The following CCSER1 variants were observed in gnomAD, a reference collection of about 807,000 sequenced individuals.
The protein encoded by CCSER1 is coiled-coil serine rich protein 1.
A neutral mutation model predicts 82.0 loss-of-function variants in CCSER1; 41 were observed. The ratio of observed to expected loss-of-function variants is 0.50; its 90% CI spans 0.39 to 0.65. The LOEUF (loss-of-function observed/expected upper bound fraction) is 0.65. Among genes scored for constraint, CCSER1 ranks in the 30% least tolerant of loss-of-function variants. The pLI is 0.00. For missense variants in CCSER1, 1,119 were observed against 1,064.2 expected (o/e 1.05, Z -0.72); for synonymous variants, 414 against 383.9 (o/e 1.08, Z -0.92).
chr4:91,554,367 T>G (rs1250093860), intron 10 of CCSER1, among the ~76,000 whole-genome samples: 1 of 151,256 alleles, frequency 6.6e-6, no homozygotes, highest in Non-Finnish European at 1.5e-5. Context: ...TGCTGTTGTA[T>G]GGAATGTTCT....
intron 9 of CCSER1, among the ~76,000 whole-genome samples, chr4:91,010,800 T>C (rs1738946328): frequency 7.4e-6 from 1 of 134,672 alleles, no homozygotes; most frequent in Non-Finnish European, 1.7e-5. Flanking sequence ...AAATTTATCA[T>C]TCAGATAATG....
At chr4:91,387,475 G>C (rs72656169) in intron 10 of CCSER1, among the ~76,000 whole-genome samples, 1 of 151,984 alleles carries the variant, frequency 6.6e-6, no homozygotes, top group Non-Finnish European at 1.5e-5. Context: ...ATTTATGTCT[G>C]AACATTTAAG....
chr4:91,149,826 C>A (rs1406279750), intron 10 of CCSER1, among the ~76,000 whole-genome samples: 1 of 152,040 alleles, frequency 6.6e-6, no homozygotes, highest in Non-Finnish European at 1.5e-5. Flanking sequence ...CTGTTCTGTT[C>A]CATTGGTCTA....
intron 3 of CCSER1, among the ~76,000 whole-genome samples, chr4:90,361,795 A>G (rs1745437298): frequency 6.6e-6 from 1 of 152,202 alleles, no homozygotes. Context: ...GGTGGAGCCA[A>G]GGGATAATGG....
intron 8 of CCSER1, among the ~76,000 whole-genome samples, chr4:90,896,238 A>T (rs994574047): frequency 1.3e-5 from 2 of 151,930 alleles, no homozygotes; most frequent in African/African-American, 4.8e-5. Context: ...AAGATGACGA[A>T]GTTTGTTTAT....
At chr4:90,487,385 G>A (rs184925921) in intron 5 of CCSER1, among the ~76,000 whole-genome samples, 1 of 152,188 alleles carries the variant, frequency 6.6e-6, no homozygotes, top group African/African-American at 2.4e-5. Flanking sequence ...ATGTCACTTT[G>A]AGACAATCAT....
At position 90,933,028 on chromosome 4, in the gene CCSER1, G is replaced by GAAAGAAAGA. The variant is rs1554046176; in HGVS notation, c.2172+9584_2172+9592dup. On this transcript the variant is annotated intron_variant, in intron 9 of 10. Coordinates refer to ENST00000509176, the MANE Select transcript of CCSER1 (RefSeq NM_001145065.2). Reference sequence around the variant, plus strand: ...AGAAAGAAAGAAAGAAAGAAAGAAAGAAAGAAAGAAAGAAAGAGAAGGAAG... The same window carrying GAAAGAAAGA: ...AGAAAGAAAGAAAGAAAGAAAGAAAGAAAGAAAGAAAAGAAAGAAAGAAAGAGAAGGAAG... 4.9e-4 allele frequency among the ~76,000 whole-genome samples: 43 copies of GAAAGAAAGA among 87,062 alleles called. 14 individuals carry two copies. In the East Asian group the frequency reaches 5.6e-3, roughly 11 times the overall value. The allele number at this position is 87,062 out of a possible 152,430, so 57.1% of individuals were successfully genotyped here.
intron 1 of CCSER1, among the ~76,000 whole-genome samples, chr4:90,286,543 A>T (rs888066732): frequency 1.3e-5 from 2 of 151,968 alleles, no homozygotes; most frequent in Non-Finnish European, 2.9e-5. Flanking sequence ...TAACATAAAT[A>T]AAAAAATGAC....
At chr4:91,021,709 T>C (rs966368089) in intron 9 of CCSER1, among the ~76,000 whole-genome samples, 2 of 152,130 alleles carry the variant, frequency 1.3e-5, no homozygotes, top group Non-Finnish European at 2.9e-5. Context: ...TAGGAACAAA[T>C]GATGTACAGT....
chr4:91,008,984 G>A (rs577369404), intron 9 of CCSER1, among the ~76,000 whole-genome samples: 14 of 152,278 alleles, frequency 9.2e-5, no homozygotes, highest in African/African-American at 2.4e-4. Flanking sequence ...GGACGAACCC[G>A]GGCACTTAGC....
At chr4:90,328,363 T>C (rs1738611610) in intron 3 of CCSER1, among the ~76,000 whole-genome samples, 1 of 152,130 alleles carries the variant, frequency 6.6e-6, no homozygotes, top group Admixed American at 6.5e-5. Flanking sequence ...TATATTGCTA[T>C]TGTAATTTTT....
intron 10 of CCSER1, among the ~76,000 whole-genome samples, chr4:91,545,275 C>T (rs1174907404): frequency 1.3e-5 from 2 of 152,128 alleles, no homozygotes; most frequent in African/African-American, 4.8e-5. Flanking sequence ...CTTGCACTTC[C>T]TGGGTGAGGT....
At chr4:91,055,097 AT>A (rs995428147) in intron 9 of CCSER1, among the ~76,000 whole-genome samples, 2 of 151,866 alleles carry the variant, frequency 1.3e-5, no homozygotes, top group Non-Finnish European at 2.9e-5. Flanking sequence ...TGTTTAGCTG[AT>A]TTTTTATAAT....
intron 10 of CCSER1, among the ~76,000 whole-genome samples, chr4:91,264,367 T>C (rs1165112644): frequency 6.6e-6 from 1 of 151,898 alleles, no homozygotes; most frequent in African/African-American, 2.4e-5. Flanking sequence ...ATAATCTTTC[T>C]CATTTCTAAT....
At chr4:91,435,826 C>T (rs1754615374) in intron 10 of CCSER1, among the ~76,000 whole-genome samples, 1 of 152,118 alleles carries the variant, frequency 6.6e-6, no homozygotes, top group Non-Finnish European at 1.5e-5. Context: ...TAGTTTTGAG[C>T]CCAGCCTATA....
At chr4:90,855,070 A>G (rs1299697536) in intron 8 of CCSER1, among the ~76,000 whole-genome samples, 1 of 152,132 alleles carries the variant, frequency 6.6e-6, no homozygotes, top group Non-Finnish European at 1.5e-5. Flanking sequence ...CTCACTCACG[A>G]GAACAGCAAG....
intron 10 of CCSER1, among the ~76,000 whole-genome samples, chr4:91,367,486 G>T (rs1433944797): frequency 6.6e-6 from 1 of 150,466 alleles, no homozygotes; most frequent in Non-Finnish European, 1.5e-5. Context: ...TGGAGCATAG[G>T]CAATTCTTGA....
At chr4:91,386,678 A>G (rs1751307738) in intron 10 of CCSER1, among the ~76,000 whole-genome samples, 1 of 152,054 alleles carries the variant, frequency 6.6e-6, no homozygotes, top group African/African-American at 2.4e-5. Context: ...GGGAAGCTGG[A>G]CGGCACTTTA....
chr4:91,369,585 A>T (rs1749874152), intron 10 of CCSER1, among the ~76,000 whole-genome samples: 1 of 152,056 alleles, frequency 6.6e-6, no homozygotes. Context: ...TTTAATGAAT[A>T]AATAGAAGAT....
Sources: gnomAD v4.1 joint callset for allele counts (sites outside exome capture counted in the v4.1 genomes callset) on GRCh38, gnomAD v4.1.1 for gene constraint, MANE v1.5 for transcripts, NCBI Gene and HGNC (gene_info 2026-07-23, HGNC 2026-07-21) for gene names.